FA2H: variants seen among roughly 807,000 people sequenced by gnomAD.
FA2H encodes fatty acid 2-hydroxylase, also known as fatty acid alpha-hydroxylase.
A neutral mutation model predicts 44.9 loss-of-function variants in FA2H; 22 were observed. The ratio of observed to expected loss-of-function variants is 0.49; its 90% CI spans 0.35 to 0.70. FA2H has a LOEUF of 0.70. Ranked by LOEUF, FA2H falls within the 30% of genes least tolerant of loss-of-function variation. The pLI is 0.01. For missense variants in FA2H, 501 were observed against 504.9 expected, an observed-to-expected ratio of 0.99 and a Z score of 0.07; for synonymous variants, 243 against 213.2, an observed-to-expected ratio of 1.14 and a Z score of -1.22.
intron 1 of FA2H, among the ~76,000 whole-genome samples, chr16:74,757,943 G>C (rs527774216): frequency 6.6e-6 from 1 of 151,978 alleles, no homozygotes; most frequent in Non-Finnish European, 1.5e-5. Flanking sequence ...CACCTGAGCC[G>C]GGGAGGTCAA....
intron 2 of FA2H, among the ~76,000 whole-genome samples, chr16:74,737,896 G>A (rs1209026818): frequency 2.6e-5 from 4 of 152,338 alleles, no homozygotes; most frequent in South Asian, 4.1e-4. Context: ...TCAGGTTGGA[G>A]CACCGCGGGC....
At chr16:74,736,360 G>A (rs1280946809) in intron 2 of FA2H, among the ~76,000 whole-genome samples, 1 of 152,204 alleles carries the variant, frequency 6.6e-6, no homozygotes, top group Non-Finnish European at 1.5e-5. Flanking sequence ...TAGGCAGGCA[G>A]GGTGCCTAGA....
At chr16:74,765,769 GC>G (rs1378172667) in intron 1 of FA2H, among the ~76,000 whole-genome samples, 2 of 151,800 alleles carry the variant, frequency 1.3e-5, no homozygotes, top group Admixed American at 1.3e-4. Context: ...GCCCAGGCTG[GC>G]CTTGAACTCC....
chr16:74,742,910 T>C (rs931700725), intron 1 of FA2H, among the ~76,000 whole-genome samples: 1 of 152,178 alleles, frequency 6.6e-6, no homozygotes, highest in Non-Finnish European at 1.5e-5. Flanking sequence ...ATACCAAATA[T>C]ATAGGAAGTA....
At chr16:74,727,531 G>A (rs913682483) in intron 2 of FA2H, 145 bp from the exon 3 acceptor site, 27 of 879,108 alleles carry the variant, frequency 3.1e-5, no homozygotes, top group African/African-American at 2.1e-4. Context: ...CTGCTTCAGT[G>A]ATCAAGAACT....
chr16:74,736,828 G>T (rs1962192212), intron 2 of FA2H, among the ~76,000 whole-genome samples: 1 of 152,188 alleles, frequency 6.6e-6, no homozygotes, highest in Non-Finnish European at 1.5e-5. Flanking sequence ...CAGCTGTTGG[G>T]GTGGGAAGGT....
intron 1 of FA2H, among the ~76,000 whole-genome samples, chr16:74,773,548 C>G (rs1336367444): frequency 6.6e-6 from 1 of 152,130 alleles, no homozygotes; most frequent in East Asian, 1.9e-4. Flanking sequence ...CTGGCCTGAG[C>G]CTACCTGGAA....
intron 4 of FA2H, among the ~76,000 whole-genome samples, chr16:74,719,827 A>G (rs1242426119): frequency 6.6e-6 from 1 of 152,126 alleles, no homozygotes; most frequent in Non-Finnish European, 1.5e-5. Context: ...AAGTGCTGAG[A>G]TAACAGAAGG....
intron 5 of FA2H, 116 bp from the exon 6 acceptor site, chr16:74,716,715 A>G (rs1387730604): frequency 1.6e-6 from 2 of 1,238,462 alleles, no homozygotes; most frequent in South Asian, 1.6e-5. Flanking sequence ...TCCACTGCGT[A>G]GGCTTGGCAC....
rs572677252 is a variant in FA2H, at chr16:74,749,467, C to A, written c.271-9352G>T. 6.0e-5 allele frequency among the ~76,000 whole-genome samples: 9 copies of A among 150,910 alleles called. No homozygotes were observed. In the South Asian group the frequency reaches 1.9e-3, roughly 32 times the overall value. ...AGGAGGAAAGAAAACCAGCAGGAAA[C>A]CTGTGCCTGAGCTGTGACCAACTCT... is the stretch of plus-strand genomic sequence containing the variant. On this transcript the variant is annotated intron_variant, in intron 1 of 6. Transcript: ENST00000219368.
At chr16:74,714,570 A>G (rs550505194) in intron 6 of FA2H, among the ~76,000 whole-genome samples, 118 of 132,274 alleles carry the variant, frequency 8.9e-4, no homozygotes, top group Non-Finnish European at 1.6e-3. Flanking sequence ...GCCCAAGTTC[A>G]TTCCTGCCTC....
intron 1 of FA2H, among the ~76,000 whole-genome samples, chr16:74,758,912 G>A (rs958981445): frequency 2.1e-4 from 32 of 152,170 alleles, no homozygotes; most frequent in African/African-American, 7.5e-4. Flanking sequence ...GAAGGCCTTG[G>A]GATCTTGGCT....
At chr16:74,757,803 G>A (rs111559088) in intron 1 of FA2H, among the ~76,000 whole-genome samples, 3,580 of 152,216 alleles carry the variant, frequency 0.024, 150 homozygotes, top group African/African-American at 0.082. Flanking sequence ...GATTGTTTCA[G>A]CCCAGGAGTT....
chr16:74,769,594 G>T (rs1408187820), intron 1 of FA2H, among the ~76,000 whole-genome samples: 1 of 152,160 alleles, frequency 6.6e-6, no homozygotes, highest in Non-Finnish European at 1.5e-5. Context: ...CCAAACTGGG[G>T]GGAAAAAAAC....
intron 5 of FA2H, 54 bp downstream of exon 5, chr16:74,718,934 G>T (rs1314595232): frequency 3.4e-5 from 54 of 1,598,478 alleles, no homozygotes; most frequent in Non-Finnish European, 4.2e-5. Context: ...GCTGGCTGCC[G>T]GGCCCTCTCG....
At chr16:74,719,774 T>C (rs966469381) in intron 4 of FA2H, among the ~76,000 whole-genome samples, 1 of 152,066 alleles carries the variant, frequency 6.6e-6, no homozygotes, top group Non-Finnish European at 1.5e-5. Flanking sequence ...CAGGCTGGTC[T>C]CAAACTCCCA....
At chr16:74,717,085 G>A (rs995605024) in intron 5 of FA2H, 8 of 162,104 alleles carry the variant, frequency 4.9e-5, no homozygotes, top group South Asian at 1.7e-4. Context: ...GGGATGACCC[G>A]GAAGTGTCAC....
intron 1 of FA2H, among the ~76,000 whole-genome samples, chr16:74,767,721 T>C (rs903980277): frequency 6.6e-6 from 1 of 152,234 alleles, no homozygotes; most frequent in African/African-American, 2.4e-5. Flanking sequence ...CCAGAAGGAA[T>C]GCTTCCCTGC....
intron 3 of FA2H, 111 bp downstream of exon 3, chr16:74,727,133 A>G (rs1457466683): frequency 2.8e-6 from 4 of 1,418,510 alleles, no homozygotes; most frequent in African/African-American, 1.4e-5. Flanking sequence ...ACAGCTTTAC[A>G]GCATAGACCT....
Sources: gnomAD v4.1 joint callset for allele counts (sites outside exome capture counted in the v4.1 genomes callset) on GRCh38, gnomAD v4.1.1 for gene constraint, MANE v1.5 for transcripts, NCBI Gene and HGNC (gene_info 2026-07-23, HGNC 2026-07-21) for gene names.